DACH1: variants seen among roughly 807,000 people sequenced by gnomAD.
The protein encoded by DACH1 is dachshund family transcription factor 1.
DACH1 carries 12 observed loss-of-function variants against 54.2 expected under a neutral mutation model. The observed-to-expected ratio is 0.22, with a 90% confidence interval of 0.14 to 0.36. The LOEUF (loss-of-function observed/expected upper bound fraction) is 0.36, where lower values mean the gene tolerates loss of function less well. Among genes scored for constraint, DACH1 ranks in the 10% least tolerant of loss-of-function variants. The pLI is 1.00. For missense variants in DACH1, 805 were observed against 929.8 expected (o/e 0.87, Z 1.75); for synonymous variants, 386 against 366.2 (o/e 1.05, Z -0.62).
intron 6 of DACH1, among the ~76,000 whole-genome samples, chr13:71,519,499 C>G (rs943553411): frequency 6.6e-6 from 1 of 151,316 alleles, no homozygotes; most frequent in African/African-American, 2.4e-5. Flanking sequence ...ACCATTTTTC[C>G]AAAATTATTC....
At chr13:71,844,974 G>C (rs1873125538) in intron 1 of DACH1, among the ~76,000 whole-genome samples, 1 of 152,118 alleles carries the variant, frequency 6.6e-6, no homozygotes, top group Admixed American at 6.6e-5. Context: ...GGAGAAAGGA[G>C]GGAAGAGGAA....
intron 6 of DACH1, among the ~76,000 whole-genome samples, chr13:71,509,487 G>T (rs1566305907): frequency 6.6e-6 from 1 of 152,048 alleles, no homozygotes; most frequent in East Asian, 1.9e-4. Flanking sequence ...TAAGTACAAG[G>T]TTATCAGGGC....
chr13:71,515,931 A>G (rs1042342154), intron 6 of DACH1, among the ~76,000 whole-genome samples: 4 of 151,922 alleles, frequency 2.6e-5, no homozygotes, highest in Non-Finnish European at 5.9e-5. Flanking sequence ...CACTGAGATA[A>G]CAACCACTAT....
chr13:71,802,638 A>T (rs561612083), intron 1 of DACH1, among the ~76,000 whole-genome samples: 8 of 152,228 alleles, frequency 5.3e-5, no homozygotes, highest in African/African-American at 1.7e-4. Flanking sequence ...AAACAATTTT[A>T]GTAAGAGGAT....
intron 7 of DACH1, among the ~76,000 whole-genome samples, chr13:71,481,184 T>C (rs918576019): frequency 2.0e-5 from 3 of 152,246 alleles, no homozygotes; most frequent in South Asian, 2.1e-4. Context: ...TGTTGACTTA[T>C]CTTTGAAAGA....
chr13:71,659,680 C>T (rs891443316), intron 2 of DACH1, among the ~76,000 whole-genome samples: 8 of 152,076 alleles, frequency 5.3e-5, no homozygotes, highest in African/African-American at 1.9e-4. Flanking sequence ...CTTTTAGGCT[C>T]CTCTGTTGGG....
At chr13:71,793,845 GA>G (rs376746997) in intron 1 of DACH1, among the ~76,000 whole-genome samples, 1 of 152,054 alleles carries the variant, frequency 6.6e-6, no homozygotes, top group Non-Finnish European at 1.5e-5. Flanking sequence ...CTTTTTTAGT[GA>G]AAAAAATTGA....
chr13:71,516,728 G>A (rs1394817339), intron 6 of DACH1, among the ~76,000 whole-genome samples: 1 of 151,780 alleles, frequency 6.6e-6, no homozygotes, highest in Non-Finnish European at 1.5e-5. Context: ...ACGCACAGAC[G>A]TCTGCCAAGC....
At chr13:71,488,934 G>T in intron 7 of DACH1, 63 bp downstream of exon 7, 1 of 1,428,364 alleles carries the variant, frequency 7.0e-7, no homozygotes, top group Non-Finnish European at 9.5e-7. Context: ...ATAAATTTTG[G>T]AAAAAAAAAA....
At chr13:71,761,626 G>C (rs1885404954) in intron 1 of DACH1, among the ~76,000 whole-genome samples, 1 of 152,046 alleles carries the variant, frequency 6.6e-6, no homozygotes, top group South Asian at 2.1e-4. Context: ...ACATCATCTG[G>C]GGTTGGGCAG....
intron 3 of DACH1, among the ~76,000 whole-genome samples, chr13:71,624,885 T>G: frequency 6.6e-6 from 1 of 151,928 alleles, no homozygotes; most frequent in East Asian, 1.9e-4. Flanking sequence ...TCATCAGCAG[T>G]TACAGCTGTG....
chr13:71,482,975 G>C (rs1458328194), intron 7 of DACH1, among the ~76,000 whole-genome samples: 1 of 151,542 alleles, frequency 6.6e-6, no homozygotes, highest in Non-Finnish European at 1.5e-5. Flanking sequence ...TTATTTTTTT[G>C]TATTTTTAGT....
At position 71,444,251 on chromosome 13, in the gene DACH1, A is replaced by G. The variant is rs146459614; in HGVS notation, c.2084-3559T>C. On this transcript the variant is annotated intron_variant, in intron 10 of 10. Coordinates refer to ENST00000613252, the MANE Select transcript of DACH1 (RefSeq NM_080759.6). ...GATTTGTTTAAAAATCTAGTAACAG[A>G]GAATAGAGAAGTATCCAAAAAGATG... 6.8e-3 allele frequency among the ~76,000 whole-genome samples: 1,034 copies of G among 152,278 alleles called. 10 individuals are homozygous for G. Among genetic ancestry groups the G allele is most frequent in the African/African-American group, 0.023 (975 of 41,574 alleles).
At chr13:71,451,377 G>A (rs979285267) in intron 10 of DACH1, among the ~76,000 whole-genome samples, 4 of 152,072 alleles carry the variant, frequency 2.6e-5, no homozygotes, top group South Asian at 2.1e-4. Flanking sequence ...ATAAAATACC[G>A]TATTTGTGTA....
intron 2 of DACH1, among the ~76,000 whole-genome samples, chr13:71,657,583 A>AT (rs1162370070): frequency 6.6e-6 from 1 of 151,250 alleles, no homozygotes; most frequent in African/African-American, 2.4e-5. Context: ...AAATAAAAAA[A>AT]AAAAAAAAAG....
intron 10 of DACH1, among the ~76,000 whole-genome samples, chr13:71,456,398 C>G (rs1417889503): frequency 6.6e-6 from 1 of 151,912 alleles, no homozygotes; most frequent in Admixed American, 6.6e-5. Context: ...GTCAGTATTG[C>G]CTTATTTTCC....
chr13:71,496,766 T>G (rs565729627), intron 6 of DACH1, among the ~76,000 whole-genome samples: 153 of 152,334 alleles, frequency 1.0e-3, no homozygotes, highest in South Asian at 7.4e-3. Context: ...TACCTCCATC[T>G]TCTCAGAAAA....
At chr13:71,566,625 T>G (rs1884908491) in intron 4 of DACH1, among the ~76,000 whole-genome samples, 1 of 152,166 alleles carries the variant, frequency 6.6e-6, no homozygotes, top group Admixed American at 6.5e-5. Context: ...GAGTTTCTTT[T>G]TTAGTATTAT....
intron 4 of DACH1, among the ~76,000 whole-genome samples, chr13:71,570,787 A>G (rs536964483): frequency 1.1e-4 from 16 of 152,282 alleles, no homozygotes; most frequent in African/African-American, 3.4e-4. Context: ...CCAATCATTG[A>G]GTCCTGAATT....
Sources: gnomAD v4.1 joint callset for allele counts (sites outside exome capture counted in the v4.1 genomes callset) on GRCh38, gnomAD v4.1.1 for gene constraint, MANE v1.5 for transcripts, NCBI Gene and HGNC (gene_info 2026-07-23, HGNC 2026-07-21) for gene names.